Variants in PLSCR2 observed in about 807,000 individuals in gnomAD.
PLSCR2 encodes phospholipid scramblase 2.
A neutral mutation model predicts 25.3 loss-of-function variants in PLSCR2; 18 were observed. The ratio of observed to expected loss-of-function variants is 0.71; its 90% CI spans 0.49 to 1.06. The LOEUF (loss-of-function observed/expected upper bound fraction) is 1.06. Ranked by LOEUF, PLSCR2 falls within the 50% of genes least tolerant of loss-of-function variation. The probability of loss-of-function intolerance (pLI) is 0.00; values close to 1 mark genes in which losing one functional copy is unlikely to be tolerated. For synonymous variants in PLSCR2, 88 were observed against 87.3 expected, an observed-to-expected ratio of 1.01 and a Z score of -0.04; for missense variants, 243 against 269.5, an observed-to-expected ratio of 0.90 and a Z score of 0.69.
chr3:146,458,049 A>G (rs1239195716), intron 3 of PLSCR2, among the ~76,000 whole-genome samples: 1 of 152,192 alleles, frequency 6.6e-6, no homozygotes, highest in East Asian at 1.9e-4. Flanking sequence ...ATACACAAAC[A>G]CAAGGTAAAT....
chr3:146,490,940 G>C (rs1304336232), intron 1 of PLSCR2, among the ~76,000 whole-genome samples: 1 of 152,034 alleles, frequency 6.6e-6, no homozygotes. Context: ...GCTTTATAGT[G>C]TCAGTGGGCT....
downstream of PLSCR2, among the ~76,000 whole-genome samples, chr3:146,440,742 T>C (rs776039698): frequency 6.6e-6 from 1 of 152,150 alleles, no homozygotes; most frequent in Non-Finnish European, 1.5e-5. Context: ...ACGTGTAGGA[T>C]CATAATGCCA....
intron 3 of PLSCR2, among the ~76,000 whole-genome samples, chr3:146,393,073 G>C (rs2038145251): frequency 7.7e-6 from 1 of 129,486 alleles, no homozygotes; most frequent in Non-Finnish European, 1.5e-5. Context: ...CTGTTGTCCA[G>C]GCTGGAGTGT....
intron 5 of PLSCR2, among the ~76,000 whole-genome samples, chr3:146,450,012 A>G (rs1204745357): frequency 6.6e-6 from 1 of 152,206 alleles, no homozygotes; most frequent in Non-Finnish European, 1.5e-5. Flanking sequence ...AAGATCTCCA[A>G]TGTAAAACTT....
At chr3:146,482,714 T>G (rs1345234872) in intron 1 of PLSCR2, among the ~76,000 whole-genome samples, 1 of 152,188 alleles carries the variant, frequency 6.6e-6, no homozygotes, top group Non-Finnish European at 1.5e-5. Flanking sequence ...GACCCAGCCA[T>G]CCCATTACTG....
chr3:146,426,276 T>TCC (rs569745758), intron 2 of PLSCR2, among the ~76,000 whole-genome samples: 11,214 of 143,372 alleles, frequency 0.078, 590 homozygotes, highest in African/African-American at 0.13. Context: ...CTTCCTTCTT[T>TCC]TCTTCCTTCC....
intron 8 of PLSCR2, among the ~76,000 whole-genome samples, chr3:146,436,307 A>G (rs537667173): frequency 1.3e-5 from 2 of 152,300 alleles, no homozygotes; most frequent in East Asian, 3.9e-4. Flanking sequence ...CAATTCTGTG[A>G]AGAAAGTTCA....
chr3:146,471,643 T>G (rs2042124617), intron 1 of PLSCR2, among the ~76,000 whole-genome samples: 1 of 151,542 alleles, frequency 6.6e-6, no homozygotes. Flanking sequence ...CTCAGCTCAC[T>G]GCACACTCCA....
Position 146,472,522 on chromosome 3 carries a change from CCTACATTCTAACA to C in PLSCR2, c.-292-12251_-292-12239del, listed in dbSNP as rs1338890254. Among the ~76,000 whole-genome samples the C allele has an allele frequency of 4.6e-5, 7 of 152,300 alleles. No homozygotes were observed. The East Asian group carries it at 9.7e-4, about 21-fold the overall frequency. ...AGGAGATTCAGTGTCTGCAGAAGGG[CCTACATTCTAACA>C]CATACATGGCATCTTCTCACCGGGT... On this transcript the variant is annotated intron_variant, in intron 1 of 8. Transcript: ENST00000336685.
intron 1 of PLSCR2, among the ~76,000 whole-genome samples, chr3:146,480,336 C>G (rs950288830): frequency 6.6e-6 from 1 of 151,994 alleles, no homozygotes; most frequent in Non-Finnish European, 1.5e-5. Flanking sequence ...TGATAGACCA[C>G]CAGCAAGACT....
intron 5 of PLSCR2, among the ~76,000 whole-genome samples, 161 bp from the exon 6 acceptor site, chr3:146,449,528 T>C (rs1048328411): frequency 1.3e-5 from 2 of 152,128 alleles, no homozygotes; most frequent in Non-Finnish European, 2.9e-5. Context: ...GGCTCCTGTA[T>C]ATTTATAGAT....
chr3:146,465,736 T>C (rs1221623419), intron 1 of PLSCR2, among the ~76,000 whole-genome samples: 1 of 152,218 alleles, frequency 6.6e-6, no homozygotes, highest in Non-Finnish European at 1.5e-5. Flanking sequence ...TGAGACATTA[T>C]GCTATGCCAG....
chr3:146,412,390 C>T (rs577318656), intron 2 of PLSCR2, among the ~76,000 whole-genome samples: 37 of 152,120 alleles, frequency 2.4e-4, no homozygotes, highest in Non-Finnish European at 5.0e-4. Context: ...TACATGGAAG[C>T]TTCCATGGCT....
At chr3:146,491,455 A>G (rs1331584782) in intron 1 of PLSCR2, among the ~76,000 whole-genome samples, 2 of 152,086 alleles carry the variant, frequency 1.3e-5, no homozygotes, top group East Asian at 3.9e-4. Flanking sequence ...ATGTTTTCCA[A>G]GTGCTTGCTC....
intron 1 of PLSCR2, 104 bp downstream of exon 1, chr3:146,469,391 C>G (rs2042014379): frequency 1.1e-6 from 1 of 931,352 alleles, no homozygotes; most frequent in African/African-American, 1.8e-5. Flanking sequence ...TGGGCCCTTG[C>G]CCCGCCCTCT....
intron 2 of PLSCR2, among the ~76,000 whole-genome samples, chr3:146,408,234 C>T (rs1017512992): frequency 1.3e-5 from 2 of 152,170 alleles, no homozygotes; most frequent in African/African-American, 4.8e-5. Context: ...AAATAGGCCA[C>T]TGGGCAACTC....
chr3:146,467,954 A>G (rs2041942511), intron 1 of PLSCR2, among the ~76,000 whole-genome samples: 1 of 152,152 alleles, frequency 6.6e-6, no homozygotes, highest in Non-Finnish European at 1.5e-5. Context: ...ATGAGGATGG[A>G]AAGGTGCACA....
chr3:146,484,230 A>G (rs988318678), intron 1 of PLSCR2, among the ~76,000 whole-genome samples: 1 of 150,470 alleles, frequency 6.6e-6, no homozygotes, highest in African/African-American at 2.4e-5. Context: ...CAGGCATACA[A>G]GATTAGAGAA....
intron 2 of PLSCR2, among the ~76,000 whole-genome samples, chr3:146,398,277 T>C (rs2038340284): frequency 6.6e-6 from 1 of 151,870 alleles, no homozygotes; most frequent in Non-Finnish European, 1.5e-5. Context: ...TTTTTAAAAA[T>C]TATTTTGAGT....
Sources: gnomAD v4.1 joint callset for allele counts (sites outside exome capture counted in the v4.1 genomes callset) on GRCh38, gnomAD v4.1.1 for gene constraint, MANE v1.5 for transcripts, NCBI Gene and HGNC (gene_info 2026-07-23, HGNC 2026-07-21) for gene names.